Variants in PTPRN2 observed in about 807,000 individuals in gnomAD.
PTPRN2 encodes protein tyrosine phosphatase receptor type N2.
In PTPRN2, 74 loss-of-function variants were observed where a neutral mutation model predicts 118.8. The ratio of observed to expected loss-of-function variants is 0.62; its 90% CI spans 0.52 to 0.76. The LOEUF (loss-of-function observed/expected upper bound fraction) is 0.76. Ranked by LOEUF, PTPRN2 falls within the 30% of genes least tolerant of loss-of-function variation. The pLI, the probability that PTPRN2 is intolerant of heterozygous loss-of-function variation, is 0.00. For missense variants in PTPRN2, 1,481 were observed against 1,394.4 expected (o/e 1.06, Z -0.99); for synonymous variants, 641 against 608.0 (o/e 1.05, Z -0.80).
intron 2 of PTPRN2, among the ~76,000 whole-genome samples, chr7:158,346,707 T>C (rs1807539889): frequency 6.6e-6 from 1 of 152,234 alleles, no homozygotes; most frequent in Admixed American, 6.5e-5. Context: ...ATAATGACTG[T>C]ACCGATTTAG....
intron 12 of PTPRN2, among the ~76,000 whole-genome samples, chr7:157,873,195 A>AG (rs1216688751): frequency 6.6e-6 from 1 of 152,038 alleles, no homozygotes; most frequent in Non-Finnish European, 1.5e-5. Flanking sequence ...TGCTTGTGGG[A>AG]GGGGGAGGCT....
chr7:157,874,824 CACAG>C lies in PTPRN2; in HGVS notation c.1788+23845_1788+23848del, dbSNP rs1431074602. On this transcript the variant is annotated intron_variant, in intron 12 of 22. Transcript: ENST00000389418. This position sits in a 1 kb window ranked among gnomAD's most constrained non-coding sequence, Gnocchi z 5.8. ...ACACAGAGACACACTCATGGACACA[CACAG>C]AGACACACTCATGCACATATACACA... is the stretch of plus-strand genomic sequence containing the variant. Among the ~76,000 whole-genome samples the C allele has an allele frequency of 7.2e-6, 1 of 138,704 alleles. No individual in the cohort carries two copies. Among genetic ancestry groups the C allele is most frequent in the Non-Finnish European group, 1.6e-5 (1 of 61,478 alleles). 91.0% of individuals were successfully genotyped at this position (138,704 alleles called of 152,430 possible).
chr7:157,559,124 C>T (rs1013629955), intron 21 of PTPRN2, among the ~76,000 whole-genome samples: 1 of 152,228 alleles, frequency 6.6e-6, no homozygotes, highest in Non-Finnish European at 1.5e-5. Flanking sequence ...CACGGGACAG[C>T]GTGTGACCCC....
chr7:157,982,264 T>A (rs12112317), intron 11 of PTPRN2, among the ~76,000 whole-genome samples: 1 of 37,944 alleles, frequency 2.6e-5, no homozygotes. Flanking sequence ...CCCCGAGTCA[T>A]AGAGCCAAGG....
At chr7:158,097,679 G>A (rs192902294) in intron 10 of PTPRN2, among the ~76,000 whole-genome samples, 7 of 152,250 alleles carry the variant, frequency 4.6e-5, no homozygotes, top group African/African-American at 9.6e-5. Flanking sequence ...CACCGCCGCC[G>A]CAGACAGCCA....
intron 9 of PTPRN2, among the ~76,000 whole-genome samples, chr7:158,122,709 TA>T (rs1273087086): frequency 6.6e-6 from 1 of 152,106 alleles, no homozygotes; most frequent in Non-Finnish European, 1.5e-5. Context: ...CTAGAGAAAC[TA>T]AAGTCATTGC....
At chr7:158,368,980 G>A (rs1809745581) in intron 2 of PTPRN2, among the ~76,000 whole-genome samples, 1 of 152,074 alleles carries the variant, frequency 6.6e-6, no homozygotes, top group South Asian at 2.1e-4. Flanking sequence ...TTGGGTCAGT[G>A]GACTGGGAGG....
intron 2 of PTPRN2, among the ~76,000 whole-genome samples, chr7:158,448,739 G>A (rs1332859103): frequency 6.6e-6 from 1 of 152,178 alleles, no homozygotes; most frequent in Non-Finnish European, 1.5e-5. Context: ...TGCTGCTGGG[G>A]GCATTTCCAG....
rs1460452502 is a variant in PTPRN2 at position 157,763,579 on chromosome 7, C to T, written c.1789-80642G>A. ...TTTTCAGAGTTGGGAGCAGCTGCCCCCCTGGCCATGGGGGAAGGCCACGCC... is the reference window on the plus strand; with the variant it reads ...TTTTCAGAGTTGGGAGCAGCTGCCCTCCTGGCCATGGGGGAAGGCCACGCC... On this transcript the variant is annotated intron_variant, in intron 12 of 22. Coordinates refer to ENST00000389418, the MANE Select transcript of PTPRN2 (RefSeq NM_002847.5). The surrounding 1 kb of genome is among the most constrained non-coding windows in gnomAD (Gnocchi z 4.9). 6.6e-6 allele frequency among the ~76,000 whole-genome samples: 1 copy of T among 152,098 alleles called. No homozygotes were observed. The highest frequency in any genetic ancestry group is 1.5e-5 in the Non-Finnish European group (1 of 68,032).
intron 1 of PTPRN2, among the ~76,000 whole-genome samples, chr7:158,585,204 G>A (rs538591677): frequency 2.6e-5 from 4 of 152,338 alleles, no homozygotes; most frequent in East Asian, 3.9e-4. Flanking sequence ...TGCATTCTCC[G>A]TGGATTGTGT....
intron 11 of PTPRN2, among the ~76,000 whole-genome samples, chr7:157,921,700 C>G (rs1394630591): frequency 1.3e-5 from 2 of 152,330 alleles, no homozygotes; most frequent in South Asian, 4.1e-4. Flanking sequence ...CAGGGCATGG[C>G]GCAGTAAGAA....
intron 12 of PTPRN2, among the ~76,000 whole-genome samples, chr7:157,878,678 A>C (rs1327725729): frequency 7.7e-6 from 1 of 129,870 alleles, no homozygotes; most frequent in Non-Finnish European, 1.6e-5. Flanking sequence ...TGGGGCTGGA[A>C]GGGTCAGTGT....
At chr7:157,717,587 T>C (rs567168707) in intron 12 of PTPRN2, among the ~76,000 whole-genome samples, 14 of 152,246 alleles carry the variant, frequency 9.2e-5, no homozygotes, top group Non-Finnish European at 1.9e-4. Flanking sequence ...GACTCCTTCA[T>C]GGAAATCGCT....
intron 11 of PTPRN2, among the ~76,000 whole-genome samples, chr7:157,945,087 G>A (rs1289992263): frequency 6.6e-6 from 1 of 152,110 alleles, no homozygotes; most frequent in East Asian, 1.9e-4. Flanking sequence ...TGTGTGAGAT[G>A]GAGATGTGTT....
chr7:157,567,633 A>G (rs1563219675), intron 21 of PTPRN2, among the ~76,000 whole-genome samples: 1 of 152,130 alleles, frequency 6.6e-6, no homozygotes, highest in African/African-American at 2.4e-5. Context: ...TCTATAATCA[A>G]TGGCTGCTCC....
intron 2 of PTPRN2, among the ~76,000 whole-genome samples, chr7:158,424,306 G>T (rs555826167): frequency 1.3e-5 from 2 of 152,180 alleles, no homozygotes; most frequent in Non-Finnish European, 2.9e-5. Flanking sequence ...GCAAGGCGTC[G>T]TATCGATTCC....
At chr7:158,305,590 C>T (rs1801222094) in intron 3 of PTPRN2, among the ~76,000 whole-genome samples, 7 of 152,116 alleles carry the variant, frequency 4.6e-5, no homozygotes, top group Admixed American at 4.6e-4. Context: ...ATCCCCAAGG[C>T]GATGTCCAGA....
intron 12 of PTPRN2, among the ~76,000 whole-genome samples, chr7:157,766,554 T>A (rs991342461): frequency 2.6e-5 from 4 of 152,274 alleles, no homozygotes; most frequent in African/African-American, 9.6e-5. Flanking sequence ...CAGAAAAAGC[T>A]ATTCTCAGAG....
intron 11 of PTPRN2, among the ~76,000 whole-genome samples, chr7:158,016,827 C>T (rs1387854905): frequency 6.6e-6 from 1 of 152,154 alleles, no homozygotes; most frequent in Non-Finnish European, 1.5e-5. Context: ...TAAAAGCTGG[C>T]TACGCTGAAT....
Sources: allele counts gnomAD v4.1 joint callset (sites outside exome capture counted in the v4.1 genomes callset), GRCh38; gene constraint gnomAD v4.1.1; non-coding constraint Gnocchi (gnomAD v3.1); transcripts MANE v1.5; gene names NCBI Gene and HGNC (gene_info 2026-07-23, HGNC 2026-07-21).